XPO4: variants seen among roughly 807,000 people sequenced by gnomAD.
XPO4 encodes the protein exportin 4.
XPO4 carries 39 observed loss-of-function variants against 143.0 expected under a neutral mutation model. The observed-to-expected ratio is 0.27, with a 90% CI of 0.21 to 0.36. The LOEUF (loss-of-function observed/expected upper bound fraction) is 0.36, where lower values mean the gene tolerates loss of function less well. XPO4 is among the 10% of genes least tolerant of loss of function. The pLI is 1.00. For missense variants in XPO4, 907 were observed against 1,348.0 expected, an observed-to-expected ratio of 0.67 and a Z score of 5.12; for synonymous variants, 439 against 474.0, an observed-to-expected ratio of 0.93 and a Z score of 0.96.
At chr13:20,792,369 G>C (rs2059294868) in intron 18 of XPO4, among the ~76,000 whole-genome samples, 1 of 152,016 alleles carries the variant, frequency 6.6e-6, no homozygotes, top group Admixed American at 6.6e-5. Flanking sequence ...GAGACAGGCG[G>C]ATCACGAGGT....
chr13:20,828,652 T>A (rs138371849), intron 6 of XPO4, among the ~76,000 whole-genome samples: 1 of 152,304 alleles, frequency 6.6e-6, no homozygotes, highest in Non-Finnish European at 1.5e-5. Context: ...TTCGACTGAT[T>A]AACAAAAGTG....
chr13:20,827,221 T>TA, intron 6 of XPO4, 42 bp from the exon 7 acceptor site: 7 of 1,404,148 alleles, frequency 5.0e-6, no homozygotes, highest in African/African-American at 1.4e-5. Context: ...ATTCTTACTT[T>TA]GTCTAAAGTA....
At position 20,803,885 on chromosome 13, in the gene XPO4, G is replaced by C. The variant is rs2314721; in HGVS notation, c.1818-2895C>G. Among the ~76,000 whole-genome samples, 14,210 of 152,074 alleles carry C rather than the reference G, an allele frequency of 0.093. 825 individuals are homozygous for C. Among genetic ancestry groups the C allele is most frequent in the Non-Finnish European group, 0.13 (9,014 of 67,986 alleles). ...TGACGGCTGCATTCCCAGAAAATCAGGCATTCCCTATTCTCTAGATGTTTA... is the reference window on the plus strand; with the variant it reads ...TGACGGCTGCATTCCCAGAAAATCACGCATTCCCTATTCTCTAGATGTTTA... On this transcript the variant is annotated intron_variant, in intron 13 of 22. Coordinates refer to ENST00000255305, the MANE Select transcript of XPO4 (RefSeq NM_022459.5). This position sits in a 1 kb window ranked among gnomAD's most constrained non-coding sequence, Gnocchi z 4.1.
chr13:20,834,495 C>T (rs1198495024), intron 6 of XPO4, among the ~76,000 whole-genome samples: 1 of 151,796 alleles, frequency 6.6e-6, no homozygotes, highest in Non-Finnish European at 1.5e-5. Context: ...ATAGCTTGAG[C>T]CCAAGAAGTC....
chr13:20,889,157 A>T (rs1283691310), intron 1 of XPO4, among the ~76,000 whole-genome samples: 1 of 130,270 alleles, frequency 7.7e-6, no homozygotes, highest in Non-Finnish European at 1.8e-5. Context: ...GCCACTAGAC[A>T]TGAGACTGTT....
intron 2 of XPO4, 137 bp downstream of exon 2, chr13:20,868,459 G>C: frequency 7.7e-7 from 1 of 1,294,128 alleles, no homozygotes; most frequent in South Asian, 1.8e-5. Flanking sequence ...TACTCCAGTA[G>C]AATGATTATT....
intron 16 of XPO4, among the ~76,000 whole-genome samples, chr13:20,797,829 T>A (rs1595063795): frequency 6.6e-6 from 1 of 152,210 alleles, no homozygotes; most frequent in East Asian, 1.9e-4. Context: ...TATGTGGAAA[T>A]CCAAACCCCA....
chr13:20,819,567 G>A (rs970512965), intron 9 of XPO4, among the ~76,000 whole-genome samples: 3 of 152,006 alleles, frequency 2.0e-5, no homozygotes, highest in Non-Finnish European at 4.4e-5. Context: ...GGCTGATGCA[G>A]AAGAATCGCT....
intron 9 of XPO4, among the ~76,000 whole-genome samples, chr13:20,811,295 T>C (rs1188544574): frequency 2.0e-5 from 3 of 150,244 alleles, no homozygotes; most frequent in Non-Finnish European, 3.0e-5. Flanking sequence ...TTTCTTTTTT[T>C]TTTTTTTTTT....
chr13:20,899,109 G>C (rs2060595649), intron 1 of XPO4, among the ~76,000 whole-genome samples: 1 of 152,124 alleles, frequency 6.6e-6, no homozygotes, highest in African/African-American at 2.4e-5. Context: ...AGAAAGGGAG[G>C]GGATCGGGGG....
intron 4 of XPO4, chr13:20,850,064 C>T: frequency 1.1e-6 from 1 of 943,880 alleles, no homozygotes; most frequent in Non-Finnish European, 1.3e-6. Flanking sequence ...TGAGTTCATG[C>T]CAATGCACTC....
intron 1 of XPO4, among the ~76,000 whole-genome samples, chr13:20,881,729 T>C (rs185987388): frequency 6.6e-6 from 1 of 152,310 alleles, no homozygotes; most frequent in East Asian, 1.9e-4. Flanking sequence ...CTAAGATTTG[T>C]GAATTTTCTT....
chr13:20,799,423 A>C, intron 15 of XPO4, 84 bp from the exon 16 acceptor site: 1 of 1,204,588 alleles, frequency 8.3e-7, no homozygotes, highest in Non-Finnish European at 1.1e-6. Flanking sequence ...AGAAAACAAA[A>C]ATAAAAAATA....
At chr13:20,788,057 GTTTTTTTT>G (rs5802086) in intron 20 of XPO4, among the ~76,000 whole-genome samples, 1 of 137,066 alleles carries the variant, frequency 7.3e-6, no homozygotes, top group Non-Finnish European at 1.6e-5. Context: ...TTGTTTTTTT[GTTTTTTTT>G]TTTTTTTGAG....
chr13:20,877,452 C>G (rs559105848), intron 1 of XPO4, among the ~76,000 whole-genome samples: 4 of 152,316 alleles, frequency 2.6e-5, no homozygotes, highest in African/African-American at 9.6e-5. Context: ...GCTAGAAACA[C>G]TCTTCTTTCC....
chr13:20,838,542 G>A (rs2059941542), intron 6 of XPO4, among the ~76,000 whole-genome samples: 2 of 150,204 alleles, frequency 1.3e-5, no homozygotes, highest in South Asian at 2.1e-4. Context: ...CCTGGGAGGT[G>A]GAGATTGTAG....
intron 1 of XPO4, among the ~76,000 whole-genome samples, chr13:20,870,449 T>A (rs867524845): frequency 7.0e-6 from 1 of 142,842 alleles, no homozygotes; most frequent in Non-Finnish European, 1.6e-5. Context: ...AAAAAAAAAA[T>A]TTACTAATAA....
rs778133053 is a variant in XPO4, at chr13:20,822,211, C to G, written c.919G>C (p.Gly307Arg). ...GATCCTTCATCTGGGAAGATGGGTC[C>G]ATGAAGAGAAGCTAACTGGGCAAGG... ...QCLAQLASLHGPIFPDEGSQV... is the reference protein window; with the variant it reads ...QCLAQLASLHRPIFPDEGSQV... The change falls in exon 8 of 23, where the codon GGA becomes CGA. Residue 307 changes from glycine to arginine, a missense_variant. By Grantham distance (125) the Gly-to-Arg change is moderately radical (BLOSUM62 -2). Coordinates refer to ENST00000255305, the MANE Select transcript of XPO4 (RefSeq NM_022459.5). The G allele has an allele frequency of 1.9e-6, 3 of 1,613,968 alleles. No individual in the cohort carries two copies. The highest frequency in any genetic ancestry group is 2.5e-6 in the Non-Finnish European group (3 of 1,179,906).
chr13:20,822,135 T>C lies in XPO4; in HGVS notation c.995A>G (p.Asn332Ser), dbSNP rs766924990. 31 of 1,610,818 alleles carry C rather than the reference T, an allele frequency of 1.9e-5. No homozygotes were observed. The highest frequency in any genetic ancestry group is 2.3e-5 in the Non-Finnish European group (27 of 1,178,494). The change falls in exon 8 of 23, where the codon AAT becomes AGT. Residue 332 changes from asparagine (N) to serine (S), a missense_variant. Coordinates refer to ENST00000255305, the MANE Select transcript of XPO4 (RefSeq NM_022459.5). ...TGCAAAGGGCAAGTATACCTACCCA[T>C]TGATAGTATTCAGTAATCCCTCAAT... ...HFIEGLLNTI[N>S]GIEIEDSEAV...
Sources: allele counts gnomAD v4.1 joint callset (sites outside exome capture counted in the v4.1 genomes callset), GRCh38; gene constraint gnomAD v4.1.1; non-coding constraint Gnocchi (gnomAD v3.1); transcripts MANE v1.5; gene names NCBI Gene and HGNC (gene_info 2026-07-23, HGNC 2026-07-21).